Variants in LCK observed in about 807,000 individuals in gnomAD.
LCK encodes the protein LCK proto-oncogene, Src family tyrosine kinase.
LCK carries 14 observed loss-of-function variants against 64.6 expected under a neutral mutation model. The observed-to-expected ratio is 0.22, with a 90% CI of 0.14 to 0.34. The LOEUF (loss-of-function observed/expected upper bound fraction) is 0.34. Ranked by LOEUF, LCK falls within the 10% of genes least tolerant of loss-of-function variation. LCK has a pLI of 1.00. For synonymous variants in LCK, 277 were observed against 263.6 expected (o/e 1.05, Z -0.49); for missense variants, 434 against 668.1 (o/e 0.65, Z 3.86).
rs1023056277 is a variant in LCK at position 32,257,232 on chromosome 1, C to T, written c.-6+5861C>T. ...GCCCAACAACCTTCTGCCAGTAAGT[C>T]TTGTTTTTTTTTTTTTTGTTTTTTT... On this transcript the variant is annotated intron_variant, in intron 1 of 12. Coordinates refer to ENST00000336890, the MANE Select transcript of LCK (RefSeq NM_005356.5). 4.7e-5 allele frequency among the ~76,000 whole-genome samples: 7 copies of T among 149,362 alleles called. 1 individual carries two copies. In the South Asian group the frequency reaches 1.5e-3, roughly 31 times the overall value.
At chr1:32,278,355 T>A (rs1213378357) in intron 9 of LCK, among the ~76,000 whole-genome samples, 3 of 152,196 alleles carry the variant, frequency 2.0e-5, no homozygotes, top group Non-Finnish European at 2.9e-5. Flanking sequence ...TGTATCTTTT[T>A]TTTTTTTGAG....
At chr1:32,280,025 C>G in intron 11 of LCK, 31 bp downstream of exon 11, 1 of 1,613,824 alleles carries the variant, frequency 6.2e-7, no homozygotes, top group Non-Finnish European at 8.5e-7. Flanking sequence ...TGGTCTGGGC[C>G]CTGCAGGGTC....
intron 1 of LCK, among the ~76,000 whole-genome samples, chr1:32,256,837 A>G (rs1196779470): frequency 2.0e-5 from 3 of 152,164 alleles, no homozygotes; most frequent in Non-Finnish European, 4.4e-5. Flanking sequence ...ATGGATGACC[A>G]TTTACGAATG....
intron 9 of LCK, among the ~76,000 whole-genome samples, chr1:32,277,918 A>G (rs1290378522): frequency 6.6e-6 from 1 of 152,224 alleles, no homozygotes; most frequent in East Asian, 1.9e-4. Context: ...GCTCAAGCCT[A>G]TAACTCCAGC....
intron 1 of LCK, among the ~76,000 whole-genome samples, chr1:32,259,261 C>T (rs994440605): frequency 2.7e-5 from 4 of 147,112 alleles, no homozygotes; most frequent in South Asian, 2.2e-4. Context: ...AAAAATTACC[C>T]GGGCCCTCTC....
At chr1:32,284,165 G>C (rs1290276012) in intron 12 of LCK, among the ~76,000 whole-genome samples, 1 of 151,218 alleles carries the variant, frequency 6.6e-6, no homozygotes, top group Non-Finnish European at 1.5e-5. Context: ...TTACAGGCGT[G>C]AGCCACCGCA....
At chr1:32,255,474 C>T (rs2124302213) in intron 1 of LCK, among the ~76,000 whole-genome samples, 1 of 152,340 alleles carries the variant, frequency 6.6e-6, no homozygotes, top group African/African-American at 2.4e-5. Context: ...CGTGTCAATA[C>T]ATGTCAATAC....
In LCK at chr1:32,286,087, A is replaced by C; in HGVS notation, c.*371A>C. 2.9e-6 allele frequency: 1 copy of C among 349,282 alleles called. No homozygotes were observed. The highest frequency in any genetic ancestry group is 5.4e-6 in the Non-Finnish European group (1 of 186,412). 21.6% of individuals were successfully genotyped at this position (349,282 alleles called of 1,614,324 possible). A position where few individuals can be genotyped will look rare whatever the true frequency, so the allele number is the denominator to read the frequency against. Reference sequence around the variant, plus strand: ...TCCTCAAGGGCCAGGACTTTATCTAATACCTCTGTGTGCTCCTCCTTGGTG... The same window carrying C: ...TCCTCAAGGGCCAGGACTTTATCTACTACCTCTGTGTGCTCCTCCTTGGTG... On this transcript the variant is annotated 3_prime_UTR_variant, in exon 13 of 13. Transcript: ENST00000336890.
At chr1:32,284,262 A>ATATATATATCTGTGAGATATATATATC (rs1640549154) in intron 12 of LCK, among the ~76,000 whole-genome samples, 1 of 148,996 alleles carries the variant, frequency 6.7e-6, no homozygotes, top group Non-Finnish European at 1.5e-5. Context: ...ATATATATAT[A>ATATATATATCTGTGAGATATATATATC]TATATATATC....
In LCK at chr1:32,275,233, AGGCT is replaced by A. The variant is rs1640221592; in HGVS notation, c.279-83_279-80del. On this transcript the variant is annotated intron_variant, in intron 4 of 12. Transcript: ENST00000336890. The surrounding 1 kb of genome is among the most constrained non-coding windows in gnomAD (Gnocchi z 6.9). ...AGTATTGCTGAGCCAGGGTTGGGGG[AGGCT>A]GGCTTAAGGGGTGGAGGGGTCTTTG... The A allele has an allele frequency of 1.3e-6, 2 of 1,498,662 alleles. No homozygotes were observed. The highest frequency in any genetic ancestry group is 1.9e-6 in the Non-Finnish European group (2 of 1,078,654). 92.8% of individuals were successfully genotyped at this position (1,498,662 alleles called of 1,614,324 possible).
intron 1 of LCK, among the ~76,000 whole-genome samples, chr1:32,268,697 C>T (rs974139413): frequency 4.6e-5 from 7 of 151,054 alleles, no homozygotes; most frequent in Non-Finnish European, 1.0e-4. Context: ...CCTGTAATCC[C>T]AGCTACTTGG....
chr1:32,276,778 T>C lies in LCK; in HGVS notation c.956T>C (p.Met319Thr), dbSNP rs1293069920. 6.2e-7 allele frequency: 1 copy of C among 1,601,668 alleles called. No homozygotes were observed. Among genetic ancestry groups the C allele is most frequent in the Admixed American group, 1.7e-5 (1 of 59,258 alleles). ...CCCATCTACATCATCACTGAATACA[T>C]GGAGAATGGTGGGTGCTACCCGAGT... ...QEPIYIITEY[M>T]ENGSLVDFLK... The change falls in exon 9 of 13, where the codon ATG becomes ACG. Residue 319 changes from methionine to threonine, a missense_variant. Met to Thr is a moderately conservative substitution (Grantham distance 81). This residue lies in a region of LCK where 201 missense variants were observed against 376.9 expected (regional missense o/e 0.53). Transcript: ENST00000336890. This position sits in a 1 kb window ranked among gnomAD's most constrained non-coding sequence, Gnocchi z 4.6.
rs774167714 is a variant in LCK at position 32,280,250 on chromosome 1, G to A, written c.1327+40G>A. On this transcript the variant is annotated intron_variant, in intron 12 of 12. Transcript: ENST00000336890. Reference sequence around the variant, plus strand: ...CAGGAACTGAAAGGGTGATGGGAAGGGCAAGTCCATGTCTTCCCATTCAAT... The same window carrying A: ...CAGGAACTGAAAGGGTGATGGGAAGAGCAAGTCCATGTCTTCCCATTCAAT... The A allele has an allele frequency of 4.3e-6, 7 of 1,610,698 alleles. No individual in the cohort carries two copies. The East Asian group carries it at 6.7e-5, about 15-fold the overall frequency.
intron 12 of LCK, among the ~76,000 whole-genome samples, chr1:32,283,611 G>A (rs905614693): frequency 4.6e-5 from 7 of 152,090 alleles, no homozygotes; most frequent in East Asian, 1.9e-4. Flanking sequence ...CCTGCCAGAG[G>A]GGCCAGGACC....
intron 1 of LCK, among the ~76,000 whole-genome samples, chr1:32,256,296 C>G (rs898867631): frequency 6.6e-6 from 1 of 151,788 alleles, no homozygotes; most frequent in African/African-American, 2.4e-5. Flanking sequence ...TGCCACCAAG[C>G]CCGGCTAACT....
intron 9 of LCK, among the ~76,000 whole-genome samples, chr1:32,277,420 C>T (rs1640315811): frequency 6.6e-6 from 1 of 151,988 alleles, no homozygotes; most frequent in Non-Finnish European, 1.5e-5. Flanking sequence ...CAAGTGGGTC[C>T]CTAGCCCTGT....
intron 1 of LCK, among the ~76,000 whole-genome samples, chr1:32,265,006 A>C (rs1461455775): frequency 6.6e-6 from 1 of 152,106 alleles, no homozygotes. Context: ...CAGGAGTTCA[A>C]GACCAGCTTG....
chr1:32,273,571 G>C (rs935216773), intron 1 of LCK, among the ~76,000 whole-genome samples: 4 of 151,986 alleles, frequency 2.6e-5, no homozygotes, highest in African/African-American at 7.3e-5. Context: ...GGGACTCCGG[G>C]GGCTTCAAAG....
In LCK at chr1:32,275,679, G is replaced by T; in HGVS notation, c.481+7G>T. 6.4e-7 allele frequency: 1 copy of T among 1,556,410 alleles called. No homozygotes were observed. Among genetic ancestry groups the T allele is most frequent in the Non-Finnish European group, 8.7e-7 (1 of 1,152,236 alleles). On this transcript the variant is annotated splice_region_variant and intron_variant, in intron 6 of 12. Transcript: ENST00000336890. The surrounding 1 kb of genome is among the most constrained non-coding windows in gnomAD (Gnocchi z 6.9). The stretch of plus-strand genomic sequence containing the variant: ...GAGAGCGAGAGCACCGCGGGTGAGC[G>T]GGCGGCGGTCTCGACCGGGCGCGGG...
Sources: gnomAD v4.1 joint callset for allele counts (sites outside exome capture counted in the v4.1 genomes callset) on GRCh38, gnomAD v4.1.1 for gene constraint, gnomAD v4.1.1 regional missense constraint, Gnocchi (gnomAD v3.1) non-coding constraint, MANE v1.5 for transcripts, NCBI Gene and HGNC (gene_info 2026-07-23, HGNC 2026-07-21) for gene names.